The following BCR variants were observed in gnomAD, a reference collection of about 807,000 sequenced individuals.
BCR encodes breakpoint cluster region protein.
BCR carries 58 observed loss-of-function variants against 138.6 expected under a neutral mutation model. That is an observed-to-expected ratio of 0.42 (90% CI 0.34 to 0.52). The LOEUF (loss-of-function observed/expected upper bound fraction) is 0.52, where lower values mean the gene tolerates loss of function less well. Ranked by LOEUF, BCR falls within the 20% of genes least tolerant of loss-of-function variation. BCR has a pLI of 0.06. For missense variants in BCR, 1,599 were observed against 1,727.2 expected (o/e 0.93, Z 1.32); for synonymous variants, 786 against 730.1 (o/e 1.08, Z -1.23).
chr22:23,193,492 G>A (rs2072440114), intron 1 of BCR, among the ~76,000 whole-genome samples: 1 of 152,216 alleles, frequency 6.6e-6, no homozygotes, highest in South Asian at 2.1e-4. Flanking sequence ...AAAATCTTAA[G>A]AAGAAATGCA....
chr22:23,256,774 AC>A (rs1439811801), intron 2 of BCR, among the ~76,000 whole-genome samples: 1 of 151,678 alleles, frequency 6.6e-6, no homozygotes, highest in Non-Finnish European at 1.5e-5. Flanking sequence ...CCCTCAGTTC[AC>A]CCGTGGGCCT....
chr22:23,250,275 A>G (rs1357271351), intron 1 of BCR, among the ~76,000 whole-genome samples: 1 of 152,252 alleles, frequency 6.6e-6, no homozygotes, highest in Admixed American at 6.5e-5. Context: ...CTCAGATAAA[A>G]GGTGCTCCAC....
intron 8 of BCR, among the ~76,000 whole-genome samples, chr22:23,274,358 T>C (rs1326165467): frequency 6.6e-6 from 1 of 152,204 alleles, no homozygotes; most frequent in East Asian, 1.9e-4. Context: ...GCATGGCCTG[T>C]GCCTGTGCCG....
At chr22:23,228,035 ATCT>A (rs1295749553) in intron 1 of BCR, among the ~76,000 whole-genome samples, 5 of 152,128 alleles carry the variant, frequency 3.3e-5, no homozygotes, top group African/African-American at 7.2e-5. Flanking sequence ...TTTCCCTAGC[ATCT>A]TCTTAATGTG....
intron 4 of BCR, chr22:23,264,430 C>T (rs1261205473): frequency 7.1e-6 from 5 of 702,094 alleles, no homozygotes; most frequent in Non-Finnish European, 1.3e-5. Flanking sequence ...ATGAAGGGTG[C>T]AGTGATAGTT....
In BCR at chr22:23,251,749, G is replaced by A. The variant is rs142972467; in HGVS notation, c.1280-2050G>A. ...CCTTTGGGCAGGGCTGCTTACAGGT[G>A]ACTCATGGTGAGAGTGACGTCACCC... On this transcript the variant is annotated intron_variant, in intron 1 of 22. Coordinates refer to ENST00000305877, the MANE Select transcript of BCR (RefSeq NM_004327.4). Among the ~76,000 whole-genome samples, 1,054 of 152,312 alleles carry A rather than the reference G, an allele frequency of 6.9e-3. 12 individuals are homozygous for A. The highest frequency in any genetic ancestry group is 0.023 in the African/African-American group (957 of 41,578).
intron 5 of BCR, among the ~76,000 whole-genome samples, chr22:23,269,982 C>T (rs2073491790): frequency 6.6e-6 from 1 of 152,064 alleles, no homozygotes; most frequent in Non-Finnish European, 1.5e-5. Context: ...GGATGGGGCT[C>T]AGGACCAGCT....
At chr22:23,284,195 CTCGT>C in intron 9 of BCR, 97 bp downstream of exon 9, 1 of 1,506,816 alleles carries the variant, frequency 6.6e-7, no homozygotes, top group Non-Finnish European at 8.9e-7. Flanking sequence ...GGTGATGTAG[CTCGT>C]TACATTCCGT....
intron 15 of BCR, among the ~76,000 whole-genome samples, chr22:23,293,333 G>A (rs1215438087): frequency 6.6e-6 from 1 of 152,204 alleles, no homozygotes; most frequent in Non-Finnish European, 1.5e-5. Flanking sequence ...CTGCGAAGGA[G>A]GAAGCCAAGA....
chr22:23,192,406 T>G (rs531046599), intron 1 of BCR, among the ~76,000 whole-genome samples: 1 of 152,238 alleles, frequency 6.6e-6, no homozygotes, highest in East Asian at 1.9e-4. Context: ...AAACCGGTTT[T>G]GGGCACCTGC....
intron 1 of BCR, among the ~76,000 whole-genome samples, chr22:23,200,099 AAAGC>A (rs2072534690): frequency 1.3e-5 from 2 of 151,904 alleles, no homozygotes; most frequent in Admixed American, 1.3e-4. Flanking sequence ...AAAAAAAAAA[AAAGC>A]AAGACAAGGC....
At chr22:23,311,950 C>G in intron 19 of BCR, 114 bp downstream of exon 19, 2 of 1,470,914 alleles carry the variant, frequency 1.4e-6, no homozygotes, top group Non-Finnish European at 1.8e-6. Flanking sequence ...GTCTTTTCTT[C>G]ATTTACTGTG....
rs1159384940 is a variant in BCR at position 23,181,127 on chromosome 22, T to C, written c.167T>C (p.Met56Thr). ...EQEVNQERFRMIYLQTLLAKE... is the reference protein window; with the variant it reads ...EQEVNQERFRTIYLQTLLAKE... ...GAGGTGAACCAGGAGCGCTTCCGCA[T>C]GATCTACCTGCAGACGTTGCTGGCC... The change falls in exon 1 of 23, where the codon ATG becomes ACG. Residue 56 changes from methionine (M) to threonine (T), a missense_variant. Met to Thr is a moderately conservative substitution (Grantham distance 81, BLOSUM62 -1). Transcript: ENST00000305877. 2 of 1,494,308 alleles carry C rather than the reference T, an allele frequency of 1.3e-6. No homozygotes were observed. Among genetic ancestry groups the C allele is most frequent in the African/African-American group, 1.4e-5 (1 of 69,868 alleles). The allele number at this position is 1,494,308 out of a possible 1,614,324, so 92.6% of individuals were successfully genotyped here. A position where few individuals can be genotyped will look rare whatever the true frequency, so the allele number is the denominator to read the frequency against.
At position 23,204,956 on chromosome 22, in the gene BCR, C is replaced by A. The variant is rs548180365; in HGVS notation, c.1279+22717C>A. ...TCAGGAATGCATGTGCTGAGGCCAG[C>A]ACTGAGATGAGCAGGCATGCGTGTG... On this transcript the variant is annotated intron_variant, in intron 1 of 22. Coordinates refer to ENST00000305877, the MANE Select transcript of BCR (RefSeq NM_004327.4). Among the ~76,000 whole-genome samples, 8 of 152,316 alleles carry A rather than the reference C, an allele frequency of 5.3e-5. 1 individual carries two copies. The highest frequency in any genetic ancestry group is 1.9e-4 in the African/African-American group (8 of 41,576).
rs2073678707 is a variant in BCR, at chr22:23,283,895, C to T, written c.2116-82C>T. The T allele has an allele frequency of 1.2e-5, 17 of 1,457,014 alleles. No individual in the cohort carries two copies. In the South Asian group the frequency reaches 2.2e-4, roughly 19 times the overall value. The allele number at this position is 1,457,014 out of a possible 1,614,324, so 90.3% of individuals were successfully genotyped here. Reference sequence around the variant, plus strand: ...GAGAGAATGTCTCTGGGTCAACCTGCTCCTGCTGGGCTGGGAGGGCCGAAC... The same window carrying T: ...GAGAGAATGTCTCTGGGTCAACCTGTTCCTGCTGGGCTGGGAGGGCCGAAC... On this transcript the variant is annotated intron_variant, in intron 8 of 22. Transcript: ENST00000305877.
chr22:23,241,949 C>T (rs1452810353), intron 1 of BCR, among the ~76,000 whole-genome samples: 1 of 152,206 alleles, frequency 6.6e-6, no homozygotes, highest in African/African-American at 2.4e-5. Flanking sequence ...TCTCCTCTCA[C>T]TGCCAGCCTG....
At chr22:23,268,206 A>G (rs1305085023) in intron 4 of BCR, among the ~76,000 whole-genome samples, 1 of 152,160 alleles carries the variant, frequency 6.6e-6, no homozygotes. Flanking sequence ...TCAGCATGTC[A>G]TTTTGGGAGC....
Position 23,181,910 on chromosome 22 carries a change from C to G in BCR, c.950C>G (p.Ser317Cys), listed in dbSNP as rs770723511. 3 of 1,613,282 alleles carry G rather than the reference C, an allele frequency of 1.9e-6. No individual in the cohort carries two copies. Among genetic ancestry groups the G allele is most frequent in the Non-Finnish European group, 2.5e-6 (3 of 1,179,936 alleles). Residue 317 changes from serine to cysteine, a missense_variant, in exon 1 of 23, where the codon TCC becomes TGC. By Grantham distance (112) the Ser-to-Cys change is moderately radical (BLOSUM62 -1). Around this residue, in one of 4 missense-constraint regions of BCR, gnomAD observed 806 missense variants for 635.0 expected, o/e 1.27. Coordinates refer to ENST00000305877, the MANE Select transcript of BCR (RefSeq NM_004327.4). Reference protein sequence around the residue: ...KRLTWPRRSYSPRSFEDCGGG... With the variant: ...KRLTWPRRSYCPRSFEDCGGG... ...CTTACCTGGCCCCGCAGGTCCTACT[C>G]CCCCCGGAGTTTTGAGGATTGCGGA...
intron 21 of BCR, 30 bp downstream of exon 21, chr22:23,314,103 G>A: frequency 3.2e-6 from 5 of 1,577,194 alleles, no homozygotes; most frequent in African/African-American, 1.3e-5. Context: ...GCAGCCCAGG[G>A]CTCCAGGTCC....
Sources: allele counts gnomAD v4.1 joint callset (sites outside exome capture counted in the v4.1 genomes callset), GRCh38; gene constraint gnomAD v4.1.1; regional missense constraint gnomAD v4.1.1; transcripts MANE v1.5; gene names NCBI Gene and HGNC (gene_info 2026-07-23, HGNC 2026-07-21).